Variants in PTPRZ1 observed in about 807,000 individuals in gnomAD.
PTPRZ1 encodes receptor-type tyrosine-protein phosphatase zeta.
In PTPRZ1, 82 loss-of-function variants were observed where a neutral mutation model predicts 214.1. That is an observed-to-expected ratio of 0.38 (90% CI 0.32 to 0.46). The LOEUF is 0.46. Ranked by LOEUF, PTPRZ1 falls within the 20% of genes least tolerant of loss-of-function variation. PTPRZ1 has a pLI of 1.00. For missense variants in PTPRZ1, 2,603 were observed against 2,748.7 expected, an observed-to-expected ratio of 0.95 and a Z score of 1.19; for synonymous variants, 945 against 987.9, an observed-to-expected ratio of 0.96 and a Z score of 0.81.
chr7:122,046,045 T>G (rs781702554), intron 23 of PTPRZ1, among the ~76,000 whole-genome samples: 35 of 152,318 alleles, frequency 2.3e-4, no homozygotes, highest in Middle Eastern at 6.8e-3. Context: ...TTTTGTGTTA[T>G]TAGGGCGCAA....
chr7:122,059,673 G>C (rs1168425325), intron 28 of PTPRZ1, 80 bp from the exon 29 acceptor site: 2 of 1,476,830 alleles, frequency 1.4e-6, no homozygotes, highest in African/African-American at 1.4e-5. Flanking sequence ...AGTTGTCAAG[G>C]CTATATGCTT....
chr7:122,025,682 T>C (rs1263216816), intron 13 of PTPRZ1, among the ~76,000 whole-genome samples: 1 of 151,972 alleles, frequency 6.6e-6, no homozygotes, highest in Admixed American at 6.6e-5. Flanking sequence ...TTAGGTGCAG[T>C]GGAAAAGGAG....
chr7:121,914,795 T>C (rs926150359), intron 1 of PTPRZ1, among the ~76,000 whole-genome samples: 34 of 152,176 alleles, frequency 2.2e-4, no homozygotes, highest in South Asian at 2.1e-4. Context: ...ATACTTGCTC[T>C]ACCTATACCT....
At position 122,010,678 on chromosome 7, in the gene PTPRZ1, T is replaced by G. The variant is rs1798626798; in HGVS notation, c.1632T>G (p.Thr544=). Residue 544 remains threonine, a synonymous_variant, in exon 12 of 30, where the codon ACT becomes ACG. Transcript: ENST00000393386. ...TSASLNDGSK[T]VLRSPHMNLS... ...CCTCTTTAAATGATGGCTCTAAAACTGTTCTTAGATCTCCACATATGAACT... is the reference window on the plus strand; with the variant it reads ...CCTCTTTAAATGATGGCTCTAAAACGGTTCTTAGATCTCCACATATGAACT... 6.2e-7 allele frequency: 1 copy of G among 1,613,512 alleles called. No individual in the cohort carries two copies. Among genetic ancestry groups the G allele is most frequent in the Non-Finnish European group, 8.5e-7 (1 of 1,179,670 alleles).
chr7:121,964,790 G>A (rs1236864994), intron 2 of PTPRZ1, among the ~76,000 whole-genome samples: 1 of 152,180 alleles, frequency 6.6e-6, no homozygotes, highest in African/African-American at 2.4e-5. Context: ...ATTGAAGTTA[G>A]AAAGCAAGTC....
At chr7:121,953,486 T>A (rs1796619004) in intron 2 of PTPRZ1, among the ~76,000 whole-genome samples, 1 of 152,212 alleles carries the variant, frequency 6.6e-6, no homozygotes. Flanking sequence ...TGTACATACT[T>A]GAAAAGATCC....
At chr7:121,998,065 T>C in intron 10 of PTPRZ1, 59 bp downstream of exon 10, 2 of 1,513,976 alleles carry the variant, frequency 1.3e-6, no homozygotes, top group Non-Finnish European at 1.8e-6. Context: ...GTTTAATTAC[T>C]GTATGCATTG....
At chr7:121,920,422 C>G (rs1261971017) in intron 1 of PTPRZ1, among the ~76,000 whole-genome samples, 1 of 152,006 alleles carries the variant, frequency 6.6e-6, no homozygotes, top group East Asian at 1.9e-4. Context: ...TATACTTTTT[C>G]TTACACAGAT....
intron 6 of PTPRZ1, among the ~76,000 whole-genome samples, chr7:121,978,208 G>A (rs576029992): frequency 6.6e-6 from 1 of 152,154 alleles, no homozygotes; most frequent in African/African-American, 2.4e-5. Flanking sequence ...TGAGAATATG[G>A]ATTCCCTAAC....
intron 2 of PTPRZ1, among the ~76,000 whole-genome samples, chr7:121,943,001 T>C (rs1796272451): frequency 6.6e-6 from 1 of 152,216 alleles, no homozygotes; most frequent in Non-Finnish European, 1.5e-5. Context: ...TTTAGAAGAT[T>C]GTATGTTACA....
At chr7:121,986,207 T>A (rs1465654172) in intron 8 of PTPRZ1, among the ~76,000 whole-genome samples, 6 of 152,212 alleles carry the variant, frequency 3.9e-5, no homozygotes, top group Admixed American at 3.3e-4. Context: ...GACGTAGACC[T>A]CACTTCACTC....
chr7:121,916,206 G>A (rs996152770), intron 1 of PTPRZ1, among the ~76,000 whole-genome samples: 3 of 150,936 alleles, frequency 2.0e-5, no homozygotes, highest in African/African-American at 4.9e-5. Context: ...CCTGGGAGCC[G>A]GAGGTTGCAG....
Position 122,061,230 on chromosome 7 carries a change from G to A in PTPRZ1, c.*10G>A. The A allele has an allele frequency of 6.4e-7, 1 of 1,570,502 alleles. No individual in the cohort carries two copies. The highest frequency in any genetic ancestry group is 1.4e-5 in the African/African-American group (1 of 72,342). ...AGAGTCTTTAGTTTAACACAGAAAG[G>A]GGTGGGGGAACTCACATCTGAGCAT... On this transcript the variant is annotated 3_prime_UTR_variant, in exon 30 of 30. Coordinates refer to ENST00000393386, the MANE Select transcript of PTPRZ1 (RefSeq NM_002851.3).
chr7:122,030,018 T>G (rs1401121624), intron 14 of PTPRZ1, among the ~76,000 whole-genome samples: 1 of 151,986 alleles, frequency 6.6e-6, no homozygotes, highest in African/African-American at 2.4e-5. Flanking sequence ...ATGTCTCTTC[T>G]GCATACCCCA....
intron 18 of PTPRZ1, among the ~76,000 whole-genome samples, chr7:122,038,369 G>A (rs1398294420): frequency 1.3e-5 from 2 of 152,116 alleles, no homozygotes; most frequent in African/African-American, 4.8e-5. Context: ...AGACATCTGA[G>A]CCCAGTGCCT....
In PTPRZ1 at chr7:122,010,513, C is replaced by A; in HGVS notation, c.1467C>A (p.Phe489Leu). ...TNRSPTRGSE[F>L]SGKGDVPNTS... ...GATCCCCAACAAGAGGAAGTGAATT[C>A]TCTGGAAAGGGTGATGTTCCCAATA... Residue 489 changes from phenylalanine (F) to leucine (L), a missense_variant, in exon 12 of 30, where the codon TTC becomes TTA. This residue lies in a region of PTPRZ1 where 1,913 missense variants were observed against 1,914.3 expected (regional missense o/e 1.00). Transcript: ENST00000393386. 3 of 1,613,962 alleles carry A rather than the reference C, an allele frequency of 1.9e-6. No homozygotes were observed. Among genetic ancestry groups the A allele is most frequent in the Non-Finnish European group, 1.7e-6 (2 of 1,179,872 alleles).
rs1252195466 is a variant in PTPRZ1, at chr7:122,013,254, G to A, written c.4208G>A (p.Ser1403Asn). The A allele has an allele frequency of 8.7e-6, 14 of 1,614,160 alleles. No homozygotes were observed. Among genetic ancestry groups the A allele is most frequent in the Non-Finnish European group, 1.2e-5 (14 of 1,180,028 alleles). ...CCTTCTAAGGCAACTTCTGAGCTGAGTCATAGTGCCAAATCTGATGCCGGT... is the reference window on the plus strand; with the variant it reads ...CCTTCTAAGGCAACTTCTGAGCTGAATCATAGTGCCAAATCTGATGCCGGT... ...LFPSKATSEL[S>N]HSAKSDAGLV... The change falls in exon 12 of 30, where the codon AGT becomes AAT. Residue 1403 changes from serine to asparagine, a missense_variant. Coordinates refer to ENST00000393386, the MANE Select transcript of PTPRZ1 (RefSeq NM_002851.3).
intron 9 of PTPRZ1, among the ~76,000 whole-genome samples, chr7:121,997,392 AC>A (rs1399123728): frequency 6.6e-6 from 1 of 152,200 alleles, no homozygotes; most frequent in East Asian, 1.9e-4. Context: ...GAATATGGAG[AC>A]ACAATGACCT....
chr7:121,945,406 C>A (rs1215818738), intron 2 of PTPRZ1, among the ~76,000 whole-genome samples: 1 of 152,160 alleles, frequency 6.6e-6, no homozygotes, highest in Admixed American at 6.5e-5. Context: ...TGTAGATCAA[C>A]AGCTACTAAA....
Sources: allele counts gnomAD v4.1 joint callset (sites outside exome capture counted in the v4.1 genomes callset), GRCh38; gene constraint gnomAD v4.1.1; regional missense constraint gnomAD v4.1.1; transcripts MANE v1.5; gene names NCBI Gene and HGNC (gene_info 2026-07-23, HGNC 2026-07-21).